Variants in TMEM74 observed in about 807,000 individuals in gnomAD.
TMEM74 encodes the protein transmembrane protein 74.
A neutral mutation model predicts 18.1 loss-of-function variants in TMEM74; 13 were observed. That is an observed-to-expected ratio of 0.72 (90% CI 0.47 to 1.14). The LOEUF is 1.14. Ranked by LOEUF, TMEM74 falls within the 50% of genes most tolerant of loss-of-function variation. The probability of loss-of-function intolerance (pLI) is 0.00; values close to 1 mark genes in which losing one functional copy is unlikely to be tolerated. For synonymous variants in TMEM74, 159 were observed against 146.6 expected, an observed-to-expected ratio of 1.08 and a Z score of -0.61; for missense variants, 372 against 375.9, an observed-to-expected ratio of 0.99 and a Z score of 0.09.
intron 1 of TMEM74, among the ~76,000 whole-genome samples, chr8:108,666,004 T>C (rs1462967923): frequency 6.6e-6 from 1 of 152,198 alleles, no homozygotes; most frequent in Non-Finnish European, 1.5e-5. Flanking sequence ...AACAATTTTT[T>C]AAAAGTTTGT....
chr8:108,785,088 T>A lies in TMEM74; in HGVS notation c.11A>T (p.His4Leu), dbSNP rs1814366511. 1 of 1,597,282 alleles carries A rather than the reference T, an allele frequency of 6.3e-7. No individual in the cohort carries two copies. The highest frequency in any genetic ancestry group is 8.5e-7 in the Non-Finnish European group (1 of 1,173,164). The part of the protein sequence containing the change: MEL[H>L]YLAKKSNQAD... Reference sequence around the variant, plus strand: ...CTGGTTGCTCTTCTTAGCAAGGTAGTGGAGCTCCATGAGAGCTAGTCAGAC... The same window carrying A: ...CTGGTTGCTCTTCTTAGCAAGGTAGAGGAGCTCCATGAGAGCTAGTCAGAC... The change falls in exon 2 of 2, where the codon CAC becomes CTC. Residue 4 changes from histidine (H) to leucine (L), a missense_variant. Transcript: ENST00000297459.
chr8:108,749,571 A>G (rs1023913145), intron 1 of TMEM74, among the ~76,000 whole-genome samples: 2 of 152,300 alleles, frequency 1.3e-5, no homozygotes, highest in South Asian at 4.2e-4. Context: ...GGAGTGGTCT[A>G]GATATAGGAT....
intron 1 of TMEM74, among the ~76,000 whole-genome samples, chr8:108,752,806 C>A (rs1563542678): frequency 6.6e-6 from 1 of 152,094 alleles, no homozygotes; most frequent in Admixed American, 6.6e-5. Context: ...AATACATCTC[C>A]TCCTTAGAAA....
At chr8:108,712,056 G>C (rs1478811240) in intron 1 of TMEM74, among the ~76,000 whole-genome samples, 1 of 152,056 alleles carries the variant, frequency 6.6e-6, no homozygotes, top group Non-Finnish European at 1.5e-5. Flanking sequence ...CATCAAAATT[G>C]CAAATTGCAA....
At chr8:108,646,398 C>T (rs1384282507) in intron 2 of TMEM74, among the ~76,000 whole-genome samples, 3 of 151,956 alleles carry the variant, frequency 2.0e-5, no homozygotes, top group Non-Finnish European at 2.9e-5. Context: ...AATAATAATG[C>T]CCACCTCTCA....
At position 108,780,126 on chromosome 8, in the gene TMEM74, T is replaced by G. The variant is rs150677321; in HGVS notation, c.*4055A>C. ...AGGTTAAACCCATTACAGAGAACAG[T>G]AAGTATTGATAGTATTACATCTTGC... is the stretch of plus-strand genomic sequence containing the variant. On this transcript the variant is annotated 3_prime_UTR_variant, in exon 2 of 2. Transcript: ENST00000297459. 2.0e-5 allele frequency among the ~76,000 whole-genome samples: 3 copies of G among 152,300 alleles called. No homozygotes were observed. The highest frequency in any genetic ancestry group is 7.2e-5 in the African/African-American group (3 of 41,572).
Position 108,680,676 on chromosome 8 carries a change from C to T in TMEM74, n.120-25239G>A, listed in dbSNP as rs982682615. On this transcript the variant is annotated intron_variant and non_coding_transcript_variant, in intron 1 of 3. Transcript: ENST00000518838. The stretch of plus-strand genomic sequence containing the variant: ...GGAAGTTCTGGCCAGGGCAATTAGG[C>T]GGGAGAAGGAAATAAAGGGTATTCA... Among the ~76,000 whole-genome samples, 17 of 152,016 alleles carry T rather than the reference C, an allele frequency of 1.1e-4. No individual in the cohort carries two copies. The East Asian group carries it at 2.3e-3, about 21-fold the overall frequency.
At chr8:108,752,996 C>T (rs1425558450) in intron 1 of TMEM74, among the ~76,000 whole-genome samples, 4 of 152,066 alleles carry the variant, frequency 2.6e-5, no homozygotes. Context: ...TGGGAACACA[C>T]AGCCATACTT....
At chr8:108,700,073 T>A (rs1813320122) in intron 1 of TMEM74, among the ~76,000 whole-genome samples, 2 of 151,840 alleles carry the variant, frequency 1.3e-5, no homozygotes, top group Admixed American at 1.3e-4. Context: ...AAGAGAAGCT[T>A]CAGAAAACCA....
intron 1 of TMEM74, among the ~76,000 whole-genome samples, chr8:108,674,493 T>G (rs1398409826): frequency 2.0e-5 from 3 of 152,176 alleles, no homozygotes; most frequent in African/African-American, 7.2e-5. Flanking sequence ...GATCATTTAG[T>G]GAAAAGTAAT....
chr8:108,769,045 A>G (rs1219071072), intron 1 of TMEM74, among the ~76,000 whole-genome samples: 1 of 152,036 alleles, frequency 6.6e-6, no homozygotes, highest in African/African-American at 2.4e-5. Flanking sequence ...GCTCACGCCT[A>G]TAATCCTAGC....
chr8:108,659,797 T>C (rs1201296394), intron 1 of TMEM74, among the ~76,000 whole-genome samples: 3 of 152,138 alleles, frequency 2.0e-5, no homozygotes, highest in Non-Finnish European at 4.4e-5. Flanking sequence ...GCAGCCTCAG[T>C]TGTCAGCTCC....
chr8:108,618,303 C>T (rs1586235452), intron 2 of TMEM74, among the ~76,000 whole-genome samples: 2 of 152,254 alleles, frequency 1.3e-5, no homozygotes, highest in East Asian at 3.9e-4. Context: ...GGTGGGGATT[C>T]TGACCAGTTC....
intron 2 of TMEM74, among the ~76,000 whole-genome samples, chr8:108,631,370 C>T (rs1224144940): frequency 6.6e-6 from 1 of 151,898 alleles, no homozygotes; most frequent in Non-Finnish European, 1.5e-5. Context: ...TGTTAGGTCA[C>T]CTGGGAAAAA....
intron 2 of TMEM74, among the ~76,000 whole-genome samples, chr8:108,650,984 T>C (rs1423721728): frequency 1.3e-5 from 2 of 152,182 alleles, no homozygotes; most frequent in African/African-American, 4.8e-5. Flanking sequence ...GTGTTGGGAT[T>C]ACAGGCGTGA....
At chr8:108,696,257 A>G (rs1586264522) in intron 1 of TMEM74, among the ~76,000 whole-genome samples, 1 of 152,244 alleles carries the variant, frequency 6.6e-6, no homozygotes, top group Admixed American at 6.5e-5. Context: ...CAAAAGTTTT[A>G]TATGAATTAT....
rs1394687449 is a variant in TMEM74, at chr8:108,697,614, A to G, written n.120-42177T>C. Among the ~76,000 whole-genome samples the G allele has an allele frequency of 2.6e-5, 4 of 152,042 alleles. No individual in the cohort carries two copies. In the East Asian group the frequency reaches 5.8e-4, roughly 22 times the overall value. On this transcript the variant is annotated intron_variant and non_coding_transcript_variant, in intron 1 of 3. Coordinates refer to the TMEM74 transcript ENST00000518838. Reference sequence around the variant, plus strand: ...TTATTTTTTGTAGAGACAGAGTCTCATTATGTTGTCCAGGCTGGTCTCATA... The same window carrying G: ...TTATTTTTTGTAGAGACAGAGTCTCGTTATGTTGTCCAGGCTGGTCTCATA...
At chr8:108,698,187 G>T (rs1416937249) in intron 1 of TMEM74, among the ~76,000 whole-genome samples, 2 of 152,102 alleles carry the variant, frequency 1.3e-5, no homozygotes, top group Non-Finnish European at 2.9e-5. Flanking sequence ...AAATACTAAG[G>T]CTCAGAGAAA....
intron 1 of TMEM74, among the ~76,000 whole-genome samples, chr8:108,766,478 T>C (rs1325158745): frequency 6.6e-6 from 1 of 152,126 alleles, no homozygotes; most frequent in Non-Finnish European, 1.5e-5. Flanking sequence ...AGAAGGACCT[T>C]TACAAAATTT....
Sources: allele counts gnomAD v4.1 joint callset (sites outside exome capture counted in the v4.1 genomes callset), GRCh38; gene constraint gnomAD v4.1.1; transcripts MANE v1.5; gene names NCBI Gene and HGNC (gene_info 2026-07-23, HGNC 2026-07-21).